FBXO11: variants seen among roughly 807,000 people sequenced by gnomAD.
FBXO11 encodes the protein F-box protein 11, also known as F-box only protein 11.
FBXO11 carries 13 observed loss-of-function variants against 117.0 expected under a neutral mutation model. The observed-to-expected ratio is 0.11, with a 90% CI of 0.07 to 0.18. The LOEUF is 0.18. Ranked by LOEUF, FBXO11 falls within the 10% of genes least tolerant of loss-of-function variation. The pLI, the probability that FBXO11 is intolerant of heterozygous loss-of-function variation, is 1.00. For synonymous variants in FBXO11, 490 were observed against 380.5 expected (o/e 1.29, Z -3.35); for missense variants, 767 against 1,164.4 (o/e 0.66, Z 4.97).
chr2:47,842,021 AT>A (rs751568731), intron 1 of FBXO11, among the ~76,000 whole-genome samples: 65 of 140,816 alleles, frequency 4.6e-4, no homozygotes, highest in African/African-American at 3.7e-4. Context: ...TTTTATTTTT[AT>A]TTTTTTTTTT....
rs1313599156 is a variant in FBXO11 at position 47,905,812 on chromosome 2, G to A, written c.-92C>T. 8 of 1,092,630 alleles carry A rather than the reference G, an allele frequency of 7.3e-6. No individual in the cohort carries two copies. Among genetic ancestry groups the A allele is most frequent in the East Asian group, 4.5e-5 (1 of 22,198 alleles). The allele number at this position is 1,092,630 out of a possible 1,614,324, so 67.7% of individuals were successfully genotyped here. A position where few individuals can be genotyped will look rare whatever the true frequency, so the allele number is the denominator to read the frequency against. On this transcript the variant is annotated 5_prime_UTR_variant, in exon 1 of 23. Coordinates refer to ENST00000403359, the MANE Select transcript of FBXO11 (RefSeq NM_001190274.2). ...GCAGGAGAAAGGGGTGGGGAGAGTGGGAGAGGGGGGAGGAAGGAGAGGGGG... is the reference window on the plus strand; with the variant it reads ...GCAGGAGAAAGGGGTGGGGAGAGTGAGAGAGGGGGGAGGAAGGAGAGGGGG...
chr2:47,855,199 CA>C (rs1360076500), intron 1 of FBXO11, among the ~76,000 whole-genome samples: 2 of 151,076 alleles, frequency 1.3e-5, no homozygotes, highest in Non-Finnish European at 2.9e-5. Flanking sequence ...TAGGTAGACT[CA>C]TTTTTTTTTT....
intron 1 of FBXO11, among the ~76,000 whole-genome samples, chr2:47,897,621 C>T (rs1677773610): frequency 6.9e-6 from 1 of 145,198 alleles, no homozygotes; most frequent in Non-Finnish European, 1.5e-5. Flanking sequence ...CACTTGAACT[C>T]AGGAGGCAGA....
Position 47,819,145 on chromosome 2 carries a change from C to G in FBXO11, c.1798-67G>C, listed in dbSNP as rs1274020673. The G allele has an allele frequency of 9.3e-6, 14 of 1,502,472 alleles. No homozygotes were observed. The Admixed American group carries it at 1.3e-4, about 13-fold the overall frequency. The allele number at this position is 1,502,472 out of a possible 1,614,324, so 93.1% of individuals were successfully genotyped here. A position where few individuals can be genotyped will look rare whatever the true frequency, so the allele number is the denominator to read the frequency against. Reference sequence around the variant, plus strand: ...AGCAAGGCGTTTATAGTCTGTTACCCCCTTTATAGACAGTTAAAAAATTTT... The same window carrying G: ...AGCAAGGCGTTTATAGTCTGTTACCGCCTTTATAGACAGTTAAAAAATTTT... On this transcript the variant is annotated intron_variant, in intron 14 of 22. Transcript: ENST00000403359.
At chr2:47,892,345 G>C (rs897576468) in intron 1 of FBXO11, among the ~76,000 whole-genome samples, 4 of 152,162 alleles carry the variant, frequency 2.6e-5, no homozygotes, top group Admixed American at 1.3e-4. Flanking sequence ...CACCCGAAAG[G>C]GTATATTTTC....
chr2:47,808,651 G>A (rs1044716944), intron 21 of FBXO11: 1 of 442,128 alleles, frequency 2.3e-6, no homozygotes, highest in Non-Finnish European at 4.0e-6. Flanking sequence ...ATTGTATAAA[G>A]GCAGTTCTTT....
At chr2:47,852,064 T>G (rs1243094782) in intron 1 of FBXO11, among the ~76,000 whole-genome samples, 1 of 151,220 alleles carries the variant, frequency 6.6e-6, no homozygotes, top group Non-Finnish European at 1.5e-5. Context: ...CTATCTTGGC[T>G]CACTGCAACC....
chr2:47,849,111 T>C (rs1673643542), intron 1 of FBXO11, among the ~76,000 whole-genome samples: 1 of 152,216 alleles, frequency 6.6e-6, no homozygotes, highest in South Asian at 2.1e-4. Context: ...ACTTGACAAC[T>C]GTTTCTAACA....
intron 19 of FBXO11, chr2:47,809,909 C>CAG: frequency 1.8e-6 from 1 of 542,088 alleles, no homozygotes; most frequent in South Asian, 2.6e-5. Context: ...CTGCAATTAA[C>CAG]TTTCGCACCA....
At chr2:47,863,055 C>CAAAAAAAAAAAAAAAAAAAAAAAAAAAAA (rs763187950) in intron 1 of FBXO11, among the ~76,000 whole-genome samples, 1 of 73,954 alleles carries the variant, frequency 1.4e-5, no homozygotes, top group Non-Finnish European at 2.7e-5. Flanking sequence ...AACTGTGTCT[C>CAAAAAAAAAAAAAAAAAAAAAAAAAAAAA]AAAAAAAAAA....
intron 1 of FBXO11, among the ~76,000 whole-genome samples, chr2:47,875,318 C>G (rs1450347312): frequency 1.3e-5 from 2 of 152,092 alleles, no homozygotes; most frequent in Non-Finnish European, 2.9e-5. Flanking sequence ...TATTGGACAA[C>G]TTAGGTCTAG....
At chr2:47,843,750 C>A (rs1319705443) in intron 1 of FBXO11, among the ~76,000 whole-genome samples, 1 of 151,838 alleles carries the variant, frequency 6.6e-6, no homozygotes, top group African/African-American at 2.4e-5. Context: ...TCTTCTTCTT[C>A]TTCTTTTTTG....
At chr2:47,895,727 C>G (rs1407028131) in intron 1 of FBXO11, among the ~76,000 whole-genome samples, 1 of 152,118 alleles carries the variant, frequency 6.6e-6, no homozygotes, top group Non-Finnish European at 1.5e-5. Context: ...GAATTTCACT[C>G]TTTCACCCAG....
intron 1 of FBXO11, among the ~76,000 whole-genome samples, chr2:47,893,689 T>C (rs1021349228): frequency 2.6e-5 from 4 of 152,334 alleles, no homozygotes; most frequent in South Asian, 2.1e-4. Flanking sequence ...CTGATTTATA[T>C]TGGCAACCCA....
intron 14 of FBXO11, among the ~76,000 whole-genome samples, chr2:47,819,539 C>T (rs1462681992): frequency 6.6e-6 from 1 of 152,034 alleles, no homozygotes; most frequent in Non-Finnish European, 1.5e-5. Context: ...TAGCCTCTAC[C>T]TGAGTTTTAA....
In FBXO11 at chr2:47,820,425, T is replaced by C; in HGVS notation, c.1734A>G (p.Thr578=). 6.2e-7 allele frequency: 1 copy of C among 1,613,868 alleles called. No individual in the cohort carries two copies. The highest frequency in any genetic ancestry group is 8.5e-7 in the Non-Finnish European group (1 of 1,179,930). ...TATGCCGAACAATTGGACAACTGTT[T>C]GTCCTAATTTGAATTCCTGCTAATG... is the stretch of plus-strand genomic sequence containing the variant. The part of the protein sequence containing the change: ...GNALAGIQIR[T]NSCPIVRHNK... Residue 578 remains threonine, a synonymous_variant, in exon 14 of 23, where the codon ACA becomes ACG. Coordinates refer to ENST00000403359, the MANE Select transcript of FBXO11 (RefSeq NM_001190274.2).
chr2:47,903,462 G>C (rs113424748), intron 1 of FBXO11, among the ~76,000 whole-genome samples: 1 of 152,166 alleles, frequency 6.6e-6, no homozygotes, highest in African/African-American at 2.4e-5. Context: ...ATTGACACTG[G>C]CATGTGACTG....
rs900516051 is a variant in FBXO11 at position 47,906,336 on chromosome 2, G to C, written c.-616C>G. Among the ~76,000 whole-genome samples, 1 of 152,140 alleles carries C rather than the reference G, an allele frequency of 6.6e-6. No homozygotes were observed. Among genetic ancestry groups the C allele is most frequent in the Non-Finnish European group, 1.5e-5 (1 of 68,010 alleles). ...CCCCCCTTCTCTCCTCGGCGAAGGG[G>C]AAATGAGTGTGAAGGGAGGAGATAG... On this transcript the variant is annotated 5_prime_UTR_variant, in exon 1 of 23. Transcript: ENST00000403359.
At chr2:47,868,405 A>C (rs1200328543) in intron 1 of FBXO11, among the ~76,000 whole-genome samples, 1 of 151,888 alleles carries the variant, frequency 6.6e-6, no homozygotes, top group African/African-American at 2.4e-5. Flanking sequence ...TGGGCCTTTT[A>C]ACATTCACTG....
Sources: allele counts gnomAD v4.1 joint callset (sites outside exome capture counted in the v4.1 genomes callset), GRCh38; gene constraint gnomAD v4.1.1; transcripts MANE v1.5; gene names NCBI Gene and HGNC (gene_info 2026-07-23, HGNC 2026-07-21).